Variants in ZNF782 observed in about 807,000 individuals in gnomAD.
The protein encoded by ZNF782 is zinc finger protein 782.
A neutral mutation model predicts 13.0 loss-of-function variants in ZNF782; 12 were observed. The ratio of observed to expected loss-of-function variants is 0.92; its 90% CI spans 0.59 to 1.50. ZNF782 has a LOEUF of 1.50. Among genes scored for constraint, ZNF782 ranks in the 40% most tolerant of loss-of-function variants. The pLI, the probability that ZNF782 is intolerant of heterozygous loss-of-function variation, is 0.00. For synonymous variants in ZNF782, 284 were observed against 283.0 expected (o/e 1.00, Z -0.04); for missense variants, 770 against 822.9 (o/e 0.94, Z 0.79).
intron 4 of ZNF782, among the ~76,000 whole-genome samples, chr9:96,827,585 G>C (rs946636445): frequency 6.6e-6 from 1 of 152,138 alleles, no homozygotes; most frequent in African/African-American, 2.4e-5. Flanking sequence ...GGTGGCATAA[G>C]CCACTGTACC....
At chr9:96,832,356 CT>C (rs749267742) in intron 4 of ZNF782, among the ~76,000 whole-genome samples, 19 of 152,170 alleles carry the variant, frequency 1.2e-4, no homozygotes, top group Non-Finnish European at 4.4e-5. Context: ...CAATTTTTCC[CT>C]TCAACCATCA....
chr9:96,848,437 T>C (rs1851398371), intron 3 of ZNF782, among the ~76,000 whole-genome samples: 1 of 152,222 alleles, frequency 6.6e-6, no homozygotes, highest in Admixed American at 6.5e-5. Flanking sequence ...AAAAGACTCC[T>C]AGATTTGATA....
intron 4 of ZNF782, among the ~76,000 whole-genome samples, chr9:96,839,668 C>CA (rs1445228075): frequency 1.3e-5 from 2 of 152,066 alleles, no homozygotes; most frequent in African/African-American, 4.8e-5. Context: ...TCACCCCCCC[C>CA]ACCTGCTAAA....
At chr9:96,902,953 C>T in the ZNF782 span, 7 of 151,256 alleles carry the variant, frequency 4.6e-5, no homozygotes, top group African/African-American at 1.7e-4. Flanking sequence ...CAAGCATGCA[C>T]CATCACACCG....
rs918120771 is a variant in ZNF782, at chr9:96,854,240, G to A, written c.-414C>T. 12 of 152,258 alleles carry A rather than the reference G, an allele frequency of 7.9e-5. No homozygotes were observed. Among genetic ancestry groups the A allele is most frequent in the African/African-American group, 2.9e-4 (12 of 41,436 alleles). 9.4% of individuals were successfully genotyped at this position (152,258 alleles called of 1,614,324 possible). A position where few individuals can be genotyped will look rare whatever the true frequency, so the allele number is the denominator to read the frequency against. ...GTCCCGCACACCGCGGCCCGCACCC[G>A]GCACCTGCTCCGGACCAACGCTCAG... On this transcript the variant is annotated 5_prime_UTR_variant, in exon 1 of 6. Coordinates refer to ENST00000481138, the MANE Select transcript of ZNF782 (RefSeq NM_001001662.3).
the ZNF782 span, among the ~76,000 whole-genome samples, chr9:96,883,606 A>G: frequency 6.6e-6 from 1 of 152,192 alleles, no homozygotes. Flanking sequence ...CAACCAATAG[A>G]AGGGAGCTCT....
the ZNF782 span, among the ~76,000 whole-genome samples, chr9:96,932,807 C>A: frequency 6.6e-6 from 1 of 151,896 alleles, no homozygotes; most frequent in African/African-American, 2.4e-5. Context: ...CATGTGCCAC[C>A]ATGCCTGGCT....
the ZNF782 span, chr9:96,887,846 T>C: frequency 1.6e-4 from 25 of 151,942 alleles, no homozygotes; most frequent in Admixed American, 2.0e-4. Context: ...CCATAAAATA[T>C]GACGAGTTCA....
the ZNF782 span, among the ~76,000 whole-genome samples, chr9:96,928,134 T>A: frequency 6.6e-6 from 1 of 151,674 alleles, no homozygotes; most frequent in Non-Finnish European, 1.5e-5. Context: ...CATTGCCTAT[T>A]CCACTGTGCA....
chr9:96,916,185 T>C, the ZNF782 span, among the ~76,000 whole-genome samples: 2 of 151,968 alleles, frequency 1.3e-5, 1 homozygote, highest in Non-Finnish European at 2.9e-5. Flanking sequence ...CTGGTTTTGA[T>C]GTCTTGTCCC....
chr9:96,931,266 G>C, the ZNF782 span, among the ~76,000 whole-genome samples: 1 of 151,366 alleles, frequency 6.6e-6, no homozygotes, highest in Non-Finnish European at 1.5e-5. Flanking sequence ...GAAGACTGAA[G>C]AGGAGATGGG....
At chr9:96,846,616 T>C (rs1458633928) in intron 3 of ZNF782, among the ~76,000 whole-genome samples, 2 of 152,112 alleles carry the variant, frequency 1.3e-5, no homozygotes, top group South Asian at 2.1e-4. Flanking sequence ...CATATGATGA[T>C]AAAAGGATCA....
At position 96,844,907 on chromosome 9, in the gene ZNF782, C is replaced by T. The variant is rs750675239; in HGVS notation, c.125G>A (p.Ser42Asn). 9.2e-5 allele frequency: 148 copies of T among 1,613,820 alleles called. No individual in the cohort carries two copies. The Admixed American group carries it at 2.5e-3, about 27-fold the overall frequency. Residue 42 changes from serine (S) to asparagine (N), a missense_variant, in exon 4 of 6, where the codon AGC becomes AAC. Physicochemically the swap from Ser to Asn is conservative, Grantham distance 46 (BLOSUM62 1). Coordinates refer to ENST00000481138, the MANE Select transcript of ZNF782 (RefSeq NM_001001662.3). ...LYRDVMLENY[S>N]HLVSVGYCFT... ...GTGCTCACCCACTGAGACGAGGTGG[C>T]TGTAGTTCTCCAGCATCACATCTCT...
chr9:96,875,470 G>A (rs768713169), exon 1 of ZNF782: 12 of 456,686 alleles, frequency 2.6e-5, no homozygotes, highest in South Asian at 1.9e-4. Flanking sequence ...CCGCTTACAG[G>A]TAATAAAGCT....
the ZNF782 span, among the ~76,000 whole-genome samples, chr9:96,918,255 G>A: frequency 6.7e-6 from 1 of 149,758 alleles, no homozygotes; most frequent in East Asian, 2.0e-4. Context: ...ACAAAAATTA[G>A]CTGGGCGAGG....
the ZNF782 span, chr9:96,895,630 T>C: frequency 1.3e-5 from 2 of 152,198 alleles, no homozygotes; most frequent in Non-Finnish European, 2.9e-5. Context: ...TTTGGGGGAA[T>C]TACTGGACAT....
chr9:96,822,127 C>T (rs1850440757), intron 5 of ZNF782, among the ~76,000 whole-genome samples: 1 of 152,174 alleles, frequency 6.6e-6, no homozygotes, highest in African/African-American at 2.4e-5. Flanking sequence ...CTCTTTCCTA[C>T]ACAAGTGCTC....
At chr9:96,870,588 G>A (rs1164554413) in intron 1 of ZNF782, among the ~76,000 whole-genome samples, 1 of 152,204 alleles carries the variant, frequency 6.6e-6, no homozygotes, top group Non-Finnish European at 1.5e-5. Context: ...TTAATGTAAA[G>A]AGAGTTATAA....
the ZNF782 span, among the ~76,000 whole-genome samples, chr9:96,916,571 C>T: frequency 4.6e-5 from 7 of 152,180 alleles, no homozygotes; most frequent in African/African-American, 1.7e-4. Context: ...AAACCAGTCA[C>T]CCCATTACAG....
Sources: allele counts gnomAD v4.1 joint callset (sites outside exome capture counted in the v4.1 genomes callset), GRCh38; gene constraint gnomAD v4.1.1; transcripts MANE v1.5; gene names NCBI Gene and HGNC (gene_info 2026-07-23, HGNC 2026-07-21).